Variants in BNC2 observed in about 807,000 individuals in gnomAD.
BNC2 encodes basonuclin zinc finger protein 2.
BNC2 carries 20 observed loss-of-function variants against 76.3 expected under a neutral mutation model. That is an observed-to-expected ratio of 0.26 (90% CI 0.18 to 0.38). The LOEUF (loss-of-function observed/expected upper bound fraction) is 0.38, where lower values mean the gene tolerates loss of function less well. Among genes scored for constraint, BNC2 ranks in the 10% least tolerant of loss-of-function variants. The pLI is 1.00. For missense variants in BNC2, 1,382 were observed against 1,399.8 expected (o/e 0.99, Z 0.20); for synonymous variants, 582 against 514.8 (o/e 1.13, Z -1.77).
At chr9:16,809,067 T>C (rs1817981583) in intron 1 of BNC2, among the ~76,000 whole-genome samples, 1 of 152,106 alleles carries the variant, frequency 6.6e-6, no homozygotes. Flanking sequence ...CCAGGCAACT[T>C]CTTAGATACC....
intron 2 of BNC2, among the ~76,000 whole-genome samples, chr9:16,733,525 C>T (rs940409603): frequency 6.6e-6 from 1 of 151,430 alleles, no homozygotes; most frequent in Non-Finnish European, 1.5e-5. Flanking sequence ...GATGGAAAGA[C>T]AGTAAAAAGT....
At chr9:16,513,120 ACT>A (rs1563818299) in intron 5 of BNC2, among the ~76,000 whole-genome samples, 1 of 152,012 alleles carries the variant, frequency 6.6e-6, no homozygotes, top group South Asian at 2.1e-4. Context: ...ACAGAATGAG[ACT>A]CTGTCTCAAA....
At chr9:16,839,474 T>C (rs1818777471) in intron 1 of BNC2, among the ~76,000 whole-genome samples, 1 of 152,178 alleles carries the variant, frequency 6.6e-6, no homozygotes, top group Non-Finnish European at 1.5e-5. Context: ...TATTAAGCAA[T>C]GATAAACATT....
intron 1 of BNC2, among the ~76,000 whole-genome samples, chr9:16,750,629 T>A (rs10756806): frequency 0.86 from 131,018 of 152,256 alleles, 56,772 homozygotes; most frequent in Non-Finnish European, 0.91. Flanking sequence ...TACAACAGAA[T>A]ATCCTTCTTA....
chr9:16,536,517 AT>A (rs201519140), intron 5 of BNC2, among the ~76,000 whole-genome samples: 1 of 151,918 alleles, frequency 6.6e-6, no homozygotes. Context: ...TTTTGTTTTT[AT>A]TTTTTTCCCT....
chr9:16,841,659 G>C lies in BNC2; in HGVS notation c.3+28987C>G, dbSNP rs558760123. ...CTTCTTATAAAATCAAAAATACAAA[G>C]TTTGAAAATGTTTAAACACTTAAAA... On this transcript the variant is annotated intron_variant, in intron 1 of 6. Coordinates refer to ENST00000380672, the MANE Select transcript of BNC2 (RefSeq NM_017637.6). 2.0e-5 allele frequency among the ~76,000 whole-genome samples: 3 copies of C among 151,760 alleles called. No homozygotes were observed. The East Asian group carries it at 5.8e-4, about 29-fold the overall frequency.
At chr9:16,700,113 C>T (rs1303091787) in intron 3 of BNC2, among the ~76,000 whole-genome samples, 1 of 152,188 alleles carries the variant, frequency 6.6e-6, no homozygotes, top group Non-Finnish European at 1.5e-5. Flanking sequence ...AGCACCCAAA[C>T]TTTAACCTTC....
At chr9:16,796,534 T>A (rs530165991) in intron 1 of BNC2, among the ~76,000 whole-genome samples, 1 of 138,234 alleles carries the variant, frequency 7.2e-6, no homozygotes, top group African/African-American at 2.8e-5. Context: ...ATCACGTCAA[T>A]GCACTCCAGC....
Position 16,659,149 on chromosome 9 carries a change from G to GT in BNC2, c.330+68647_330+68648insA, listed in dbSNP as rs566903120. Among the ~76,000 whole-genome samples the GT allele has an allele frequency of 4.7e-4, 32 of 67,802 alleles. 1 individual carries two copies. Among genetic ancestry groups the GT allele is most frequent in the African/African-American group, 4.3e-3 (32 of 7,470 alleles). 44.5% of individuals were successfully genotyped at this position (67,802 alleles called of 152,430 possible). A position where few individuals can be genotyped will look rare whatever the true frequency, so the allele number is the denominator to read the frequency against. On this transcript the variant is annotated intron_variant, in intron 3 of 6. Transcript: ENST00000380672. ...GTGGGTAAATGGCAGATGGATGGCG[G>GT]GGGGGGGCATGTGAATGCACACACG...
chr9:16,428,155 C>G (rs1820835773), intron 6 of BNC2, among the ~76,000 whole-genome samples: 1 of 151,982 alleles, frequency 6.6e-6, no homozygotes, highest in Admixed American at 6.6e-5. Context: ...AAAAATAGAA[C>G]AAAAGTGCTC....
intron 3 of BNC2, among the ~76,000 whole-genome samples, chr9:16,710,865 A>T (rs1823816378): frequency 6.6e-6 from 1 of 152,160 alleles, no homozygotes; most frequent in African/African-American, 2.4e-5. Context: ...TGCTCATCAC[A>T]GGACCCACAT....
At chr9:16,604,920 G>A (rs1441441926) in intron 3 of BNC2, among the ~76,000 whole-genome samples, 1 of 152,184 alleles carries the variant, frequency 6.6e-6, no homozygotes, top group Non-Finnish European at 1.5e-5. Flanking sequence ...GTGGGTGTCA[G>A]TCTGTTTTTG....
At chr9:16,459,538 C>T (rs1000919600) in intron 5 of BNC2, among the ~76,000 whole-genome samples, 1 of 152,066 alleles carries the variant, frequency 6.6e-6, no homozygotes, top group African/African-American at 2.4e-5. Context: ...TGTAAAAGTC[C>T]CTGATCCAAG....
intron 1 of BNC2, among the ~76,000 whole-genome samples, chr9:16,815,757 C>T (rs1238036522): frequency 6.6e-6 from 1 of 152,154 alleles, no homozygotes; most frequent in Non-Finnish European, 1.5e-5. Context: ...CAGGTTCTGA[C>T]TTTGAAGAAC....
At chr9:16,734,327 A>T (rs117121520) in intron 2 of BNC2, among the ~76,000 whole-genome samples, 1 of 152,218 alleles carries the variant, frequency 6.6e-6, no homozygotes, top group Non-Finnish European at 1.5e-5. Context: ...AACCTGGGAC[A>T]TGAATTTGGG....
At chr9:16,727,711 G>C (rs1824381503) in intron 3 of BNC2, 86 bp downstream of exon 3, 1 of 1,206,034 alleles carries the variant, frequency 8.3e-7, no homozygotes, top group Non-Finnish European at 1.2e-6. Context: ...TATTTAGAAA[G>C]AAAAACACCA....
At chr9:16,508,780 A>G (rs1587112447) in intron 5 of BNC2, among the ~76,000 whole-genome samples, 2 of 147,520 alleles carry the variant, frequency 1.4e-5, no homozygotes, top group South Asian at 4.3e-4. Context: ...AAATCAGTCT[A>G]CTTCTCTACT....
chr9:16,576,233 T>C (rs1015517340), intron 4 of BNC2, among the ~76,000 whole-genome samples: 1 of 152,242 alleles, frequency 6.6e-6, no homozygotes, highest in Admixed American at 6.5e-5. Context: ...GGGAACATTA[T>C]CTCCCTTTGT....
chr9:16,616,303 G>T (rs62543486), intron 3 of BNC2, among the ~76,000 whole-genome samples: 7,703 of 151,644 alleles, frequency 0.051, 254 homozygotes, highest in Middle Eastern at 0.093. Context: ...GAGGCAGCAG[G>T]ATTGCTTGAG....
Sources: allele counts gnomAD v4.1 joint callset (sites outside exome capture counted in the v4.1 genomes callset), GRCh38; gene constraint gnomAD v4.1.1; transcripts MANE v1.5; gene names NCBI Gene and HGNC (gene_info 2026-07-23, HGNC 2026-07-21).